The following PROSER1 variants were observed in gnomAD, a reference collection of about 807,000 sequenced individuals.
The protein encoded by PROSER1 is proline and serine rich 1.
In PROSER1, 36 loss-of-function variants were observed where a neutral mutation model predicts 71.8. The observed-to-expected ratio is 0.50, with a 90% CI of 0.38 to 0.66. PROSER1 has a LOEUF of 0.66. Among genes scored for constraint, PROSER1 ranks in the 30% least tolerant of loss-of-function variants. The probability of loss-of-function intolerance (pLI) is 0.00; values close to 1 mark genes in which losing one functional copy is unlikely to be tolerated. For missense variants in PROSER1, 1,107 were observed against 1,135.0 expected (o/e 0.98, Z 0.35); for synonymous variants, 490 against 452.4 (o/e 1.08, Z -1.06).
Position 39,027,066 on chromosome 13 carries a change from A to G in PROSER1, c.370-679T>C, listed in dbSNP as rs191574190. Among the ~76,000 whole-genome samples the G allele has an allele frequency of 1.6e-3, 243 of 151,346 alleles. 5 individuals carry two copies. In the East Asian group the frequency reaches 0.035, roughly 22 times the overall value. On this transcript the variant is annotated intron_variant, in intron 5 of 12. Transcript: ENST00000352251. Reference sequence around the variant, plus strand: ...TATTCCAATGTATCTATATTATGTTATAGAAATATCCAGCTATACATATGT... The same window carrying G: ...TATTCCAATGTATCTATATTATGTTGTAGAAATATCCAGCTATACATATGT...
chr13:39,031,105 C>T (rs1593540641), intron 3 of PROSER1, among the ~76,000 whole-genome samples: 1 of 152,156 alleles, frequency 6.6e-6, no homozygotes, highest in South Asian at 2.1e-4. Context: ...GCACATGTAC[C>T]TACTTGAACT....
intron 1 of PROSER1, among the ~76,000 whole-genome samples, chr13:39,035,490 A>C (rs1871056455): frequency 6.6e-6 from 1 of 152,230 alleles, no homozygotes; most frequent in Non-Finnish European, 1.5e-5. Flanking sequence ...CCTACACCTC[A>C]TGCGTTGTAA....
At chr13:39,031,827 A>C in intron 2 of PROSER1, 196 bp from the exon 3 acceptor site, 1 of 524,552 alleles carries the variant, frequency 1.9e-6, no homozygotes, top group Non-Finnish European at 3.4e-6. Context: ...GTCAAATAAA[A>C]TGTAAAAATC....
intron 9 of PROSER1, among the ~76,000 whole-genome samples, chr13:39,019,516 C>CAAAAAAAA (rs1183602451): frequency 2.4e-5 from 1 of 40,822 alleles, no homozygotes; most frequent in African/African-American, 8.1e-5. Flanking sequence ...AACTCTGTCT[C>CAAAAAAAA]AAAAAAAAAA....
At chr13:39,021,512 T>C (rs1336463211) in intron 9 of PROSER1, among the ~76,000 whole-genome samples, 1 of 152,070 alleles carries the variant, frequency 6.6e-6, no homozygotes, top group Non-Finnish European at 1.5e-5. Flanking sequence ...CACCAGTAGG[T>C]CATTAAAAAA....
chr13:39,011,374 C>T lies in PROSER1; in HGVS notation c.2826G>A (p.Gly942=). The change falls in exon 13 of 13, where the codon GGG becomes GGA. Residue 942 remains glycine (G), a synonymous_variant. Transcript: ENST00000352251. ...TAAAAGTTAAAAGTATTCACTGCCA[C>T]CCACTCTGGGACAGGCTTGGTTGCA... ...FSLQPSLSQS[G]WQ is the part of the protein sequence containing the mutation. 6.2e-7 allele frequency: 1 copy of T among 1,614,092 alleles called. No homozygotes were observed. The highest frequency in any genetic ancestry group is 1.7e-5 in the Admixed American group (1 of 60,022).
At chr13:39,035,433 T>TA (rs1384072572) in intron 1 of PROSER1, among the ~76,000 whole-genome samples, 3 of 152,188 alleles carry the variant, frequency 2.0e-5, no homozygotes, top group Non-Finnish European at 4.4e-5. Flanking sequence ...AGCTGATAGT[T>TA]AACCTCACAG....
At chr13:39,022,190 G>C (rs2062300192) in intron 9 of PROSER1, 136 bp downstream of exon 9, 5 of 657,136 alleles carry the variant, frequency 7.6e-6, no homozygotes, top group Non-Finnish European at 8.3e-6. Context: ...ACATTACCAA[G>C]GATTCACTTC....
Position 39,020,469 on chromosome 13 carries a change from G to A in PROSER1, c.730+1857C>T, listed in dbSNP as rs190185258. Among the ~76,000 whole-genome samples the A allele has an allele frequency of 2.3e-3, 343 of 152,070 alleles. 1 individual carries two copies. The highest frequency in any genetic ancestry group is 8.0e-3 in the African/African-American group (331 of 41,500). On this transcript the variant is annotated intron_variant, in intron 9 of 12. Transcript: ENST00000352251. ...AATAAAAATACAAAAATATATAAGGGGGAGCCTGCCTTATGAAACATTAGA... is the reference window on the plus strand; with the variant it reads ...AATAAAAATACAAAAATATATAAGGAGGAGCCTGCCTTATGAAACATTAGA...
At chr13:39,031,419 A>G in intron 3 of PROSER1, 144 bp downstream of exon 3, 1 of 629,554 alleles carries the variant, frequency 1.6e-6, no homozygotes, top group East Asian at 3.0e-5. Flanking sequence ...ATTTTTTAAC[A>G]TAGCTATTTT....
rs1318713406 is a variant in PROSER1 at position 39,012,682 on chromosome 13, T to C, written c.2561+9A>G. On this transcript the variant is annotated intron_variant, in intron 11 of 12. Transcript: ENST00000352251. Reference sequence around the variant, plus strand: ...ATAATTTTATCCTATTTCCAAACTATCCACATACCCGGCTTGTGCAACAAG... The same window carrying C: ...ATAATTTTATCCTATTTCCAAACTACCCACATACCCGGCTTGTGCAACAAG... 1.6e-5 allele frequency: 24 copies of C among 1,533,726 alleles called. 1 individual carries two copies. The Middle Eastern group carries it at 7.0e-4, about 45-fold the overall frequency.
intron 4 of PROSER1, chr13:39,028,900 T>A (rs1870673999): frequency 6.4e-6 from 1 of 156,466 alleles, no homozygotes; most frequent in South Asian, 2.0e-4. Context: ...TAAGTGGGTA[T>A]GAGCCTTATT....
rs1265276064 is a variant in PROSER1 at position 39,014,399 on chromosome 13, T to TAGGAACAGGAGTTGCAGC, written c.835_852dup (p.Ala279_Pro284dup). On this transcript the variant is annotated inframe_insertion, in exon 11 of 13. Transcript: ENST00000352251. Reference sequence around the variant, plus strand: ...TTAATTGCCTTGACTGGGGATGCAGTAGGAACAGGAGTTGCAGCAGGTGTT... The same window carrying TAGGAACAGGAGTTGCAGC: ...TTAATTGCCTTGACTGGGGATGCAGTAGGAACAGGAGTTGCAGCAGGAACAGGAGTTGCAGCAGGTGTT... The TAGGAACAGGAGTTGCAGC allele has an allele frequency of 6.2e-7, 1 of 1,613,680 alleles. No individual in the cohort carries two copies.
intron 9 of PROSER1, among the ~76,000 whole-genome samples, chr13:39,019,232 T>C (rs1420078313): frequency 2.0e-5 from 3 of 151,670 alleles, no homozygotes; most frequent in African/African-American, 7.3e-5. Context: ...TCGGGCGCAG[T>C]GGCTCACACC....
chr13:39,015,744 A>G (rs1450350208), intron 10 of PROSER1, among the ~76,000 whole-genome samples: 1 of 152,222 alleles, frequency 6.6e-6, no homozygotes, highest in African/African-American at 2.4e-5. Flanking sequence ...ACATAAACTG[A>G]AACTCAAAAG....
At chr13:39,024,630 C>T (rs1009647488) in intron 6 of PROSER1, 74 bp from the exon 7 acceptor site, 13 of 976,520 alleles carry the variant, frequency 1.3e-5, no homozygotes, top group Middle Eastern at 2.4e-4. Flanking sequence ...TAACCAACCT[C>T]ACTGTATTAC....
At chr13:39,024,577 AGGTAATTGAAACTT>A in intron 6 of PROSER1, 21 bp from the exon 7 acceptor site, 14 of 1,413,556 alleles carry the variant, frequency 9.9e-6, no homozygotes, top group Non-Finnish European at 1.3e-5. Context: ...AAAAAAAAAA[AGGTAATTGAAACTT>A]AAAAAAAAAA....
chr13:39,036,187 A>C (rs1871090258), intron 1 of PROSER1, among the ~76,000 whole-genome samples: 1 of 152,256 alleles, frequency 6.6e-6, no homozygotes, highest in Non-Finnish European at 1.5e-5. Context: ...TATTTCAAAA[A>C]TTAATTGGAC....
In PROSER1 at chr13:39,018,473, G is replaced by GACACACAC. The variant is rs56659534; in HGVS notation, c.731-937_731-930dup. ...TAAAGAAAAAGGACTTTTAAAACCC[G>GACACACAC]ACACACACACACACACACACACACA... On this transcript the variant is annotated intron_variant, in intron 9 of 12. Coordinates refer to ENST00000352251, the MANE Select transcript of PROSER1 (RefSeq NM_025138.5). Among the ~76,000 whole-genome samples, 577 of 120,220 alleles carry GACACACAC rather than the reference G, an allele frequency of 4.8e-3. 2 individuals carry two copies. The highest frequency in any genetic ancestry group is 7.7e-3 in the South Asian group (27 of 3,492). 78.9% of individuals were successfully genotyped at this position (120,220 alleles called of 152,430 possible).
Sources: gnomAD v4.1 joint callset for allele counts (sites outside exome capture counted in the v4.1 genomes callset) on GRCh38, gnomAD v4.1.1 for gene constraint, MANE v1.5 for transcripts, NCBI Gene and HGNC (gene_info 2026-07-23, HGNC 2026-07-21) for gene names.